Variants in MCC observed in about 807,000 individuals in gnomAD.
The protein encoded by MCC is MCC regulator of Wnt signaling pathway.
A neutral mutation model predicts 116.2 loss-of-function variants in MCC; 90 were observed. The ratio of observed to expected loss-of-function variants is 0.77; its 90% confidence interval spans 0.65 to 0.92. MCC has a LOEUF of 0.92. MCC is among the 40% of genes least tolerant of loss of function. The pLI is 0.00. For missense variants in MCC, 1,516 were observed against 1,312.2 expected (o/e 1.16, Z -2.40); for synonymous variants, 578 against 510.5 (o/e 1.13, Z -1.78).
chr5:113,291,861 G>GA (rs1766508601), intron 3 of MCC, among the ~76,000 whole-genome samples: 1 of 152,194 alleles, frequency 6.6e-6, no homozygotes, highest in African/African-American at 2.4e-5. Context: ...GTGGATATTA[G>GA]AAAAATGGTA....
At chr5:113,063,782 G>A (rs1753387207) in intron 14 of MCC, among the ~76,000 whole-genome samples, 1 of 152,218 alleles carries the variant, frequency 6.6e-6, no homozygotes, top group Non-Finnish European at 1.5e-5. Flanking sequence ...TTTCCACATT[G>A]GCAAAGTGAG....
intron 3 of MCC, among the ~76,000 whole-genome samples, chr5:113,175,749 A>G (rs1761300509): frequency 6.6e-6 from 1 of 152,176 alleles, no homozygotes; most frequent in African/African-American, 2.4e-5. Flanking sequence ...CTACTCTAAA[A>G]TACATTCAAT....
chr5:113,027,222 C>G lies in MCC; in HGVS notation c.*80G>C, dbSNP rs59624235. On this transcript the variant is annotated 3_prime_UTR_variant, in exon 19 of 19. Coordinates refer to ENST00000408903, the MANE Select transcript of MCC (RefSeq NM_001085377.2). ...GCCTTCCCTTTCCTCCTCCTCCCAA[C>G]AAGTACATGGGCCCTTCTGTCCCCA... 2.4e-3 allele frequency: 3,550 copies of G among 1,464,254 alleles called. 73 individuals carry two copies. In the African/African-American group the frequency reaches 0.045, roughly 19 times the overall value. 90.7% of individuals were successfully genotyped at this position (1,464,254 alleles called of 1,614,324 possible).
intron 3 of MCC, among the ~76,000 whole-genome samples, chr5:113,332,349 T>A (rs1345510209): frequency 6.6e-6 from 1 of 151,466 alleles, no homozygotes; most frequent in Non-Finnish European, 1.5e-5. Flanking sequence ...TGGCTATAAA[T>A]AAGTATTTTC....
chr5:113,454,679 C>A, intron 1 of MCC, among the ~76,000 whole-genome samples: 1 of 152,124 alleles, frequency 6.6e-6, no homozygotes, highest in East Asian at 1.9e-4. Context: ...AATATTTGCT[C>A]TATAAGGACA....
intron 3 of MCC, among the ~76,000 whole-genome samples, chr5:113,319,688 A>G (rs1767370005): frequency 6.6e-6 from 1 of 152,236 alleles, no homozygotes; most frequent in African/African-American, 2.4e-5. Flanking sequence ...CAAACTCAAA[A>G]TTAAGCATAG....
At chr5:113,462,235 TTCAC>T (rs1771763765) in intron 1 of MCC, among the ~76,000 whole-genome samples, 1 of 152,238 alleles carries the variant, frequency 6.6e-6, no homozygotes, top group Non-Finnish European at 1.5e-5. Context: ...AACCCAGCCA[TTCAC>T]CCACTTTCTA....
In MCC at chr5:113,026,813, G is replaced by A. The variant is rs1451031631; in HGVS notation, c.*489C>T. ...ACTTGGAAACCAAAGCCTTGCTGTA[G>A]TAAACAAATCAGCAGTCCTTTTAAA... On this transcript the variant is annotated 3_prime_UTR_variant, in exon 19 of 19. Transcript: ENST00000408903. The A allele has an allele frequency of 6.5e-6, 1 of 154,658 alleles. No homozygotes were observed. Among genetic ancestry groups the A allele is most frequent in the Non-Finnish European group, 1.4e-5 (1 of 69,822 alleles). The allele number at this position is 154,658 out of a possible 1,614,324, so 9.6% of individuals were successfully genotyped here. A position where few individuals can be genotyped will look rare whatever the true frequency, so the allele number is the denominator to read the frequency against.
chr5:113,061,252 A>G (rs1380479350), intron 14 of MCC, among the ~76,000 whole-genome samples: 1 of 152,164 alleles, frequency 6.6e-6, no homozygotes, highest in Non-Finnish European at 1.5e-5. Flanking sequence ...GTGCTGAGAC[A>G]AGGGACTCAA....
chr5:113,128,628 CTATGAA>C (rs1231806984), intron 5 of MCC, among the ~76,000 whole-genome samples: 2 of 152,102 alleles, frequency 1.3e-5, no homozygotes, highest in African/African-American at 2.4e-5. Flanking sequence ...AAATGCTCTC[CTATGAA>C]TATAACAATC....
At chr5:113,264,225 TTTACATACAAAGCA>T (rs1765328056) in intron 3 of MCC, among the ~76,000 whole-genome samples, 1 of 152,176 alleles carries the variant, frequency 6.6e-6, no homozygotes, top group Non-Finnish European at 1.5e-5. Context: ...TGCATTGACG[TTTACATACAAAGCA>T]TTACACAATC....
intron 3 of MCC, among the ~76,000 whole-genome samples, chr5:113,299,697 G>C (rs1766811614): frequency 6.6e-6 from 1 of 152,178 alleles, no homozygotes; most frequent in Non-Finnish European, 1.5e-5. Flanking sequence ...GTTATACTGT[G>C]GCTGCCTTAA....
chr5:113,331,086 G>A (rs889086512), intron 3 of MCC, among the ~76,000 whole-genome samples: 10 of 152,228 alleles, frequency 6.6e-5, no homozygotes, highest in Non-Finnish European at 4.4e-5. Context: ...CAGCAATTCT[G>A]CCTCTTCCCT....
intron 17 of MCC, among the ~76,000 whole-genome samples, chr5:113,037,367 C>T (rs986435706): frequency 6.6e-6 from 1 of 152,130 alleles, no homozygotes; most frequent in Non-Finnish European, 1.5e-5. Flanking sequence ...GCACTGGTAA[C>T]AGTCAAGGGC....
intron 3 of MCC, among the ~76,000 whole-genome samples, chr5:113,226,612 A>G (rs1581277234): frequency 6.6e-6 from 1 of 152,262 alleles, no homozygotes; most frequent in Non-Finnish European, 1.5e-5. Context: ...ATTTTAGAAG[A>G]AAACATGTTA....
intron 3 of MCC, among the ~76,000 whole-genome samples, chr5:113,274,189 G>A (rs1765725430): frequency 6.6e-6 from 1 of 152,206 alleles, no homozygotes; most frequent in Non-Finnish European, 1.5e-5. Flanking sequence ...TTGTAACAAT[G>A]TGTGGTAGCA....
chr5:113,329,047 AC>A, intron 3 of MCC, among the ~76,000 whole-genome samples: 1 of 152,298 alleles, frequency 6.6e-6, no homozygotes, highest in South Asian at 2.1e-4. Context: ...CTACATGCTC[AC>A]TTTTTCATGC....
chr5:113,072,477 T>C (rs1239529914), intron 11 of MCC, among the ~76,000 whole-genome samples: 2 of 152,334 alleles, frequency 1.3e-5, no homozygotes, highest in East Asian at 3.9e-4. Flanking sequence ...ATAAAGCCTT[T>C]ACCCAACTCA....
At chr5:113,197,605 G>C (rs1762474825) in intron 3 of MCC, among the ~76,000 whole-genome samples, 1 of 152,126 alleles carries the variant, frequency 6.6e-6, no homozygotes. Flanking sequence ...ACTATTTCTT[G>C]GGTCGTGGGA....
Sources: gnomAD v4.1 joint callset for allele counts (sites outside exome capture counted in the v4.1 genomes callset) on GRCh38, gnomAD v4.1.1 for gene constraint, MANE v1.5 for transcripts, NCBI Gene and HGNC (gene_info 2026-07-23, HGNC 2026-07-21) for gene names.